FASTKD5: variants seen among roughly 807,000 people sequenced by gnomAD.
The protein encoded by FASTKD5 is non-canonical pre-mRNAs endonuclease FASTKD5, mitochondrial.
Under a neutral mutation model 44.0 loss-of-function variants are expected in FASTKD5, and 30 were observed. That is an observed-to-expected ratio of 0.68 (90% CI 0.51 to 0.93). FASTKD5 has a LOEUF of 0.93. Ranked by LOEUF, FASTKD5 falls within the 40% of genes least tolerant of loss-of-function variation. The probability of loss-of-function intolerance (pLI) is 0.00; values close to 1 mark genes in which losing one functional copy is unlikely to be tolerated. For synonymous variants in FASTKD5, 335 were observed against 342.2 expected, an observed-to-expected ratio of 0.98 and a Z score of 0.23; for missense variants, 868 against 908.2, an observed-to-expected ratio of 0.96 and a Z score of 0.57.
chr20:3,159,447 G>A (rs1215855259), intron 1 of FASTKD5, among the ~76,000 whole-genome samples: 1 of 152,212 alleles, frequency 6.6e-6, no homozygotes, highest in African/African-American at 2.4e-5. Flanking sequence ...AGGCGCGGCA[G>A]AATATCTGAC....
In FASTKD5 at chr20:3,147,021, G is replaced by A; in HGVS notation, c.2050C>T (p.Leu684=). Residue 684 remains leucine (L), a synonymous_variant, in exon 2 of 2, where the codon CTG becomes TTG. Coordinates refer to ENST00000380266, the MANE Select transcript of FASTKD5 (RefSeq NM_021826.5). ...GTCTGCATGCAGGCTGCGGGGCACAGGCCAGCCATCTCCATGGCCCCTGAT... is the reference window on the plus strand; with the variant it reads ...GTCTGCATGCAGGCTGCGGGGCACAAGCCAGCCATCTCCATGGCCCCTGAT... The part of the protein sequence containing the change: ...DKSGAMEMAG[L]CPAACMQTPR... 1.2e-6 allele frequency: 2 copies of A among 1,614,214 alleles called. No homozygotes were observed. The highest frequency in any genetic ancestry group is 1.7e-6 in the Non-Finnish European group (2 of 1,180,052).
Position 3,147,072 on chromosome 20 carries a change from C to A in FASTKD5, c.1999G>T (p.Gly667Cys). The A allele has an allele frequency of 6.2e-7, 1 of 1,614,166 alleles. No individual in the cohort carries two copies. Among genetic ancestry groups the A allele is most frequent in the South Asian group, 1.1e-5 (1 of 91,088 alleles). Residue 667 changes from glycine (G) to cysteine (C), a missense_variant, in exon 2 of 2, where the codon GGC becomes TGC. Physicochemically the swap from Gly to Cys is radical, Grantham distance 159. Transcript: ENST00000380266. ...TTATCTGCTACATTGCAAAGGAAGC[C>A]CCCCAGAGGTACAGCTGCCTTATTC... ...LENKAAVPLG[G>C]FLCNVADKSG...
chr20:3,159,541 C>T (rs569774340), intron 1 of FASTKD5, among the ~76,000 whole-genome samples: 1 of 152,350 alleles, frequency 6.6e-6, no homozygotes, highest in East Asian at 1.9e-4. Context: ...TCAGATAAGC[C>T]CCCTGCCAAA....
At chr20:3,150,778 C>T (rs543816444) in intron 1 of FASTKD5, 1 of 152,354 alleles carries the variant, frequency 6.6e-6, no homozygotes, top group East Asian at 1.9e-4. Flanking sequence ...GCTACACAGG[C>T]TTCTCTAGAT....
chr20:3,148,650 C>A lies in FASTKD5; in HGVS notation c.421G>T (p.Val141Phe), dbSNP rs371717914. The A allele has an allele frequency of 1.9e-6, 3 of 1,614,050 alleles. No homozygotes were observed. In the African/African-American group the frequency reaches 4.0e-5, roughly 22 times the overall value. Reference sequence around the variant, plus strand: ...TGCAAAATTAGTTCACCTTCTGAAACAGACAGGAGCTGAGAAGTCTCAGAT... The same window carrying A: ...TGCAAAATTAGTTCACCTTCTGAAAAAGACAGGAGCTGAGAAGTCTCAGAT... ...NASETSQLLSVSEGELILHKV... is the reference protein window; with the variant it reads ...NASETSQLLSFSEGELILHKV... Residue 141 changes from valine to phenylalanine, a missense_variant, in exon 2 of 2, where the codon GTT (valine) becomes TTT (phenylalanine). Physicochemically the swap from Val to Phe is conservative, Grantham distance 50. Transcript: ENST00000380266.
In FASTKD5 at chr20:3,148,616, CTGACTT is replaced by C; in HGVS notation, c.449_454del (p.Lys150_Val151del). 6.2e-7 allele frequency: 1 copy of C among 1,614,164 alleles called. No homozygotes were observed. The highest frequency in any genetic ancestry group is 2.2e-5 in the East Asian group (1 of 44,894). On this transcript the variant is annotated inframe_deletion, in exon 2 of 2. Transcript: ENST00000380266. ...AGCCTGGAGATTATTTTGATTAACT[CTGACTT>C]TGTGCAAAATTAGTTCACCTTCTGA... is the stretch of plus-strand genomic sequence containing the variant.
chr20:3,156,588 A>C (rs2066688599), intron 1 of FASTKD5: 1 of 152,242 alleles, frequency 6.6e-6, no homozygotes, highest in African/African-American at 2.4e-5. Flanking sequence ...AACGAAACAG[A>C]GTAGAGCCTC....
chr20:3,158,717 G>A (rs1053536469), intron 1 of FASTKD5, among the ~76,000 whole-genome samples: 10 of 151,704 alleles, frequency 6.6e-5, no homozygotes, highest in Non-Finnish European at 8.8e-5. Flanking sequence ...CTCGTGATCC[G>A]CCCGCCTTGA....
Position 3,147,534 on chromosome 20 carries a change from C to T in FASTKD5, c.1537G>A (p.Glu513Lys), listed in dbSNP as rs950795185. The T allele has an allele frequency of 5.0e-6, 8 of 1,614,168 alleles. No homozygotes were observed. The highest frequency in any genetic ancestry group is 6.8e-6 in the Non-Finnish European group (8 of 1,180,042). Residue 513 changes from glutamate to lysine, a missense_variant, in exon 2 of 2, where the codon GAA becomes AAA. Physicochemically the swap from Glu to Lys is moderately conservative, Grantham distance 56. Transcript: ENST00000380266. ...ACTGTACCATCGAGGGTATATAGTT[C>T]CTTAAGGAGGTCAAACTTAGTTCTC... is the stretch of plus-strand genomic sequence containing the variant. ...QERTKFDLLK[E>K]LYTLDGTVGI...
chr20:3,148,979 C>T lies in FASTKD5; in HGVS notation c.92G>A (p.Trp31Ter), dbSNP rs1170955108. The stretch of plus-strand genomic sequence containing the variant: ...CCCATGCTGTGTGCTGCTCACATTC[C>T]AGTATGACACACTTCGGACTGCACC... Reference protein sequence around the residue: ...AFGAVRSVSYWNVSSTQHGGQ... With the variant: ...AFGAVRSVSY Residue 31 changes from tryptophan to a stop codon, truncating the protein, a stop_gained, in exon 2 of 2, where the codon TGG becomes TAG. Coordinates refer to ENST00000380266, the MANE Select transcript of FASTKD5 (RefSeq NM_021826.5). LOFTEE classifies it high-confidence loss of function. 1 of 1,614,084 alleles carries T rather than the reference C, an allele frequency of 6.2e-7. No homozygotes were observed. The highest frequency in any genetic ancestry group is 1.3e-5 in the African/African-American group (1 of 74,938).
chr20:3,151,349 T>G (rs953371539), intron 1 of FASTKD5, among the ~76,000 whole-genome samples: 1 of 152,248 alleles, frequency 6.6e-6, no homozygotes, highest in Non-Finnish European at 1.5e-5. Flanking sequence ...CATTATATAT[T>G]GTCTATGTCT....
At chr20:3,159,333 C>A (rs1347500533) in intron 1 of FASTKD5, among the ~76,000 whole-genome samples, 1 of 152,186 alleles carries the variant, frequency 6.6e-6, no homozygotes, top group Non-Finnish European at 1.5e-5. Flanking sequence ...GAGGCTTCAG[C>A]CTCGTCTGGA....
rs781768771 is a variant in FASTKD5 at position 3,148,370 on chromosome 20, T to G, written c.701A>C (p.His234Pro). 1 of 1,614,172 alleles carries G rather than the reference T, an allele frequency of 6.2e-7. No homozygotes were observed. Among genetic ancestry groups the G allele is most frequent in the Non-Finnish European group, 8.5e-7 (1 of 1,180,032 alleles). ...ATCCATATTCATCTCCCATACCTGA[T>G]GGCAACACTTGGTCTCATACACATC... is the stretch of plus-strand genomic sequence containing the variant. ...MLDVYETKCC[H>P]QVWEMNMDQL... The change falls in exon 2 of 2, where the codon CAT becomes CCT. Residue 234 changes from histidine to proline, a missense_variant. Physicochemically the swap from His to Pro is moderately conservative, Grantham distance 77. Transcript: ENST00000380266.
chr20:3,150,309 G>A (rs1250860911), intron 1 of FASTKD5, among the ~76,000 whole-genome samples: 1 of 152,150 alleles, frequency 6.6e-6, no homozygotes, highest in Non-Finnish European at 1.5e-5. Flanking sequence ...GGGAAGCAAA[G>A]AGTACCCCAA....
At position 3,148,903 on chromosome 20, in the gene FASTKD5, A is replaced by G; in HGVS notation, c.168T>C (p.Val56=). The G allele has an allele frequency of 1.2e-6, 2 of 1,614,122 alleles. No homozygotes were observed. The highest frequency in any genetic ancestry group is 2.2e-5 in the East Asian group (1 of 44,882). ...HISLCHSAKK[V]KNICSTFSSR... is the part of the protein sequence containing the mutation. ...AAGAGAAGGTGCTACATATGTTCTT[A>G]ACTTTTTTGGCAGAATGGCAGAGGC... The change falls in exon 2 of 2, where the codon GTT becomes GTC. Residue 56 remains valine (V), a synonymous_variant. Coordinates refer to ENST00000380266, the MANE Select transcript of FASTKD5 (RefSeq NM_021826.5).
Position 3,148,423 on chromosome 20 carries a change from TAAAATGAC to T in FASTKD5, c.640_647del (p.Val214ArgfsTer13). ...GCATTGAATGGGAGTGAGGGATTCC[TAAAATGAC>T]AAAAGCTTTCAAAACATTGATCAGA... On this transcript the variant is annotated frameshift_variant, in exon 2 of 2. Coordinates refer to ENST00000380266, the MANE Select transcript of FASTKD5 (RefSeq NM_021826.5). LOFTEE classifies it high-confidence loss of function. 1 of 1,614,148 alleles carries T rather than the reference TAAAATGAC, an allele frequency of 6.2e-7. No homozygotes were observed. Among genetic ancestry groups the T allele is most frequent in the Non-Finnish European group, 8.5e-7 (1 of 1,180,016 alleles).
Position 3,149,389 on chromosome 20 carries a change from A to C in FASTKD5, c.-190-129T>G. 1 of 318,716 alleles carries C rather than the reference A, an allele frequency of 3.1e-6. No individual in the cohort carries two copies. Among genetic ancestry groups the C allele is most frequent in the Non-Finnish European group, 5.8e-6 (1 of 173,158 alleles). The allele number at this position is 318,716 out of a possible 1,614,324, so 19.7% of individuals were successfully genotyped here. A position where few individuals can be genotyped will look rare whatever the true frequency, so the allele number is the denominator to read the frequency against. ...TAAGTTCAATGCTAGTAAATGCCCAAACCACATGACAGCATATATCAAGGA... is the reference window on the plus strand; with the variant it reads ...TAAGTTCAATGCTAGTAAATGCCCACACCACATGACAGCATATATCAAGGA... On this transcript the variant is annotated intron_variant, in intron 1 of 1. Coordinates refer to ENST00000380266, the MANE Select transcript of FASTKD5 (RefSeq NM_021826.5). This position sits in a 1 kb window ranked among gnomAD's most constrained non-coding sequence, Gnocchi z 4.1.
intron 1 of FASTKD5, among the ~76,000 whole-genome samples, chr20:3,158,384 CATT>C (rs377305842): frequency 1.5e-3 from 226 of 152,314 alleles, no homozygotes; most frequent in African/African-American, 5.3e-3. Context: ...GACTAATAAA[CATT>C]AGACCTGCAT....
At chr20:3,152,790 C>CAG (rs139736950) in intron 1 of FASTKD5, among the ~76,000 whole-genome samples, 2,168 of 151,836 alleles carry the variant, frequency 0.014, 24 homozygotes, top group Admixed American at 0.023. Context: ...CCTGTAATCC[C>CAG]AGCTACTTGA....
Sources: allele counts gnomAD v4.1 joint callset (sites outside exome capture counted in the v4.1 genomes callset), GRCh38; gene constraint gnomAD v4.1.1; non-coding constraint Gnocchi (gnomAD v3.1); transcripts MANE v1.5; gene names NCBI Gene and HGNC (gene_info 2026-07-23, HGNC 2026-07-21).